CLTC: variants seen among roughly 807,000 people sequenced by gnomAD.
CLTC encodes clathrin heavy chain 1.
In CLTC, 16 loss-of-function variants were observed where a neutral mutation model predicts 195.8. That is an observed-to-expected ratio of 0.08 (90% CI 0.06 to 0.12). The LOEUF is 0.12. Among genes scored for constraint, CLTC ranks in the 10% least tolerant of loss-of-function variants. The pLI, the probability that CLTC is intolerant of heterozygous loss-of-function variation, is 1.00. For synonymous variants in CLTC, 667 were observed against 689.4 expected, an observed-to-expected ratio of 0.97 and a Z score of 0.51; for missense variants, 796 against 2,027.0, an observed-to-expected ratio of 0.39 and a Z score of 11.66.
intron 2 of CLTC, chr17:59,646,110 A>T: frequency 2.6e-6 from 1 of 381,598 alleles, no homozygotes; most frequent in Non-Finnish European, 3.6e-6. Context: ...GTACAATAAC[A>T]TCATAGATTT....
intron 31 of CLTC, among the ~76,000 whole-genome samples, chr17:59,692,595 G>C (rs1014665369): frequency 6.6e-6 from 1 of 151,938 alleles, no homozygotes; most frequent in African/African-American, 2.4e-5. Flanking sequence ...TTGATAGAGG[G>C]TGTATGTTCT....
intron 1 of CLTC, among the ~76,000 whole-genome samples, chr17:59,629,821 G>C (rs1344108824): frequency 6.7e-6 from 1 of 148,712 alleles, no homozygotes; most frequent in East Asian, 2.1e-4. Context: ...ACCCAGCCTA[G>C]AGATCATAAT....
rs535693082 is a variant in CLTC, at chr17:59,660,708, GT to G, written c.1167+122del. The G allele has an allele frequency of 1.5e-4, 149 of 975,930 alleles. 1 individual carries two copies. The African/African-American group carries it at 2.3e-3, about 15-fold the overall frequency. The allele number at this position is 975,930 out of a possible 1,614,324, so 60.5% of individuals were successfully genotyped here. A position where few individuals can be genotyped will look rare whatever the true frequency, so the allele number is the denominator to read the frequency against. On this transcript the variant is annotated intron_variant, in intron 7 of 31. Transcript: ENST00000269122. ...TAAACTGTTTTTAGATTACATTTGG[GT>G]TACATTTTCCTTTAGTAGAATTCCT...
intron 16 of CLTC, 44 bp from the exon 17 acceptor site, chr17:59,676,910 A>G (rs1338794033): frequency 2.2e-6 from 3 of 1,380,208 alleles, no homozygotes; most frequent in East Asian, 2.3e-5. Flanking sequence ...TGTGTTATTT[A>G]TAATACAGTA....
chr17:59,673,502 A>C (rs1338645211), intron 14 of CLTC, 145 bp from the exon 15 acceptor site: 1 of 609,012 alleles, frequency 1.6e-6, no homozygotes, highest in African/African-American at 1.9e-5. Flanking sequence ...GTACACACTC[A>C]ACTATTGGGA....
intron 6 of CLTC, among the ~76,000 whole-genome samples, chr17:59,658,163 A>G (rs1424426287): frequency 6.6e-6 from 1 of 152,134 alleles, no homozygotes; most frequent in African/African-American, 2.4e-5. Context: ...ATATTGTGCC[A>G]TTGCACTCCA....
Position 59,685,150 on chromosome 17 carries a change from T to C in CLTC, c.4529T>C (p.Ile1510Thr). Residue 1510 changes from isoleucine to threonine, a missense_variant, in exon 29 of 32, where the codon ATT becomes ACT. Physicochemically the swap from Ile to Thr is moderately conservative, Grantham distance 89. Coordinates refer to ENST00000269122, the MANE Select transcript of CLTC (RefSeq NM_004859.4). The surrounding 1 kb of genome is among the most constrained non-coding windows in gnomAD (Gnocchi z 5.0). The stretch of plus-strand genomic sequence containing the variant: ...CATGAACTCATTGAGTTCAGGAGAA[T>C]TGCTGCTTATCTCTTCAAAGGCAAC... ...EKHELIEFRRIAAYLFKGNNR... is the reference protein window; with the variant it reads ...EKHELIEFRRTAAYLFKGNNR... The C allele has an allele frequency of 6.2e-7, 1 of 1,612,842 alleles. No homozygotes were observed. The highest frequency in any genetic ancestry group is 8.5e-7 in the Non-Finnish European group (1 of 1,179,092).
intron 13 of CLTC, 112 bp from the exon 14 acceptor site, chr17:59,668,665 A>ATATATTTTTTAAGCAATATC: frequency 1.1e-6 from 1 of 886,966 alleles, no homozygotes; most frequent in East Asian, 2.8e-5. Flanking sequence ...TTTTTAAGCA[A>ATATATTTTTTAAGCAATATC]CCAACTTATA....
chr17:59,669,000 G>A (rs2032789087), intron 14 of CLTC, 60 bp downstream of exon 14: 2 of 1,464,012 alleles, frequency 1.4e-6, no homozygotes, highest in Non-Finnish European at 9.1e-7. Context: ...TTCTACAAGG[G>A]TTTGGTCATA....
At chr17:59,675,396 G>T (rs1317733201) in intron 16 of CLTC, among the ~76,000 whole-genome samples, 2 of 152,124 alleles carry the variant, frequency 1.3e-5, no homozygotes, top group Non-Finnish European at 2.9e-5. Context: ...TAGCTGGAAC[G>T]TTCTGAGGAA....
chr17:59,693,360 CTTTTTTT>C (rs56119322), intron 31 of CLTC, among the ~76,000 whole-genome samples: 4 of 136,726 alleles, frequency 2.9e-5, no homozygotes, highest in East Asian at 2.1e-4. Context: ...GAGCCAGATT[CTTTTTTT>C]TTTTTTTTTT....
At chr17:59,680,368 A>G (rs1320046809) in intron 18 of CLTC, among the ~76,000 whole-genome samples, 2 of 152,328 alleles carry the variant, frequency 1.3e-5, no homozygotes, top group Middle Eastern at 3.4e-3. Flanking sequence ...AAAATAGAAG[A>G]GTTGTTATAA....
In CLTC at chr17:59,685,892, T is replaced by A; in HGVS notation, c.4827+84T>A. 4.6e-6 allele frequency: 5 copies of A among 1,090,842 alleles called. No homozygotes were observed. The highest frequency in any genetic ancestry group is 6.6e-6 in the Non-Finnish European group (5 of 758,268). 67.6% of individuals were successfully genotyped at this position (1,090,842 alleles called of 1,614,324 possible). A position where few individuals can be genotyped will look rare whatever the true frequency, so the allele number is the denominator to read the frequency against. ...CACATTAATTTTTTTAAATGCTTTT[T>A]TCTTTAGTAGAAGTAAGTCATTTAG... is the stretch of plus-strand genomic sequence containing the variant. On this transcript the variant is annotated intron_variant, in intron 30 of 31. Transcript: ENST00000269122. The surrounding 1 kb of genome is among the most constrained non-coding windows in gnomAD (Gnocchi z 5.0).
chr17:59,626,648 A>G (rs1446732815), intron 1 of CLTC, among the ~76,000 whole-genome samples: 2 of 152,216 alleles, frequency 1.3e-5, no homozygotes, highest in African/African-American at 4.8e-5. Context: ...CTCTAAGTTC[A>G]TGCACTATAT....
intron 1 of CLTC, among the ~76,000 whole-genome samples, chr17:59,635,494 TC>T (rs1260195865): frequency 6.6e-6 from 1 of 152,202 alleles, no homozygotes; most frequent in Non-Finnish European, 1.5e-5. Flanking sequence ...AACCTATTAC[TC>T]CTTTAATTAT....
chr17:59,666,589 C>T lies in CLTC; in HGVS notation c.1892C>T (p.Thr631Ile), dbSNP rs2032738079. The T allele has an allele frequency of 1.2e-6, 2 of 1,614,092 alleles. No individual in the cohort carries two copies. The highest frequency in any genetic ancestry group is 8.5e-7 in the Non-Finnish European group (1 of 1,179,984). Residue 631 changes from threonine to isoleucine, a missense_variant, in exon 12 of 32, where the codon ACT (threonine) becomes ATT (isoleucine). Physicochemically the swap from Thr to Ile is moderately conservative, Grantham distance 89. Around this residue, in one of 9 missense-constraint regions of CLTC, gnomAD observed 293 missense variants for 795.6 expected, o/e 0.37. Coordinates refer to ENST00000269122, the MANE Select transcript of CLTC (RefSeq NM_004859.4). This position sits in a 1 kb window ranked among gnomAD's most constrained non-coding sequence, Gnocchi z 4.9. ...GLLQRALEHF[T>I]DLYDIKRAVV... ...CTGCAGCGTGCATTAGAACATTTCACTGATTTATATGATATAAAACGTGCA... is the reference window on the plus strand; with the variant it reads ...CTGCAGCGTGCATTAGAACATTTCATTGATTTATATGATATAAAACGTGCA...
intron 1 of CLTC, among the ~76,000 whole-genome samples, chr17:59,627,506 G>T (rs2031586496): frequency 6.6e-6 from 1 of 152,076 alleles, no homozygotes; most frequent in Non-Finnish European, 1.5e-5. Flanking sequence ...TTGGTAAATG[G>T]TCTGTATCAT....
intron 1 of CLTC, among the ~76,000 whole-genome samples, chr17:59,632,660 T>C (rs2031758911): frequency 6.6e-6 from 1 of 151,908 alleles, no homozygotes; most frequent in Admixed American, 6.6e-5. Flanking sequence ...AACAAAAAAA[T>C]CCCTAAAACT....
At chr17:59,663,806 A>G (rs2032664188) in intron 8 of CLTC, 36 bp from the exon 9 acceptor site, 11 of 1,593,496 alleles carry the variant, frequency 6.9e-6, no homozygotes, top group East Asian at 2.2e-5. Flanking sequence ...AAAACAGTTC[A>G]TGGATCACTA....
Sources: gnomAD v4.1 joint callset for allele counts (sites outside exome capture counted in the v4.1 genomes callset) on GRCh38, gnomAD v4.1.1 for gene constraint, gnomAD v4.1.1 regional missense constraint, Gnocchi (gnomAD v3.1) non-coding constraint, MANE v1.5 for transcripts, NCBI Gene and HGNC (gene_info 2026-07-23, HGNC 2026-07-21) for gene names.